FOXN3: variants seen among roughly 807,000 people sequenced by gnomAD.
FOXN3 encodes the protein forkhead box protein N3.
FOXN3 carries 7 observed loss-of-function variants against 38.4 expected under a neutral mutation model. That is an observed-to-expected ratio of 0.18 (90% CI 0.10 to 0.34). The LOEUF (loss-of-function observed/expected upper bound fraction) is 0.34. Ranked by LOEUF, FOXN3 falls within the 10% of genes least tolerant of loss-of-function variation. The pLI, the probability that FOXN3 is intolerant of heterozygous loss-of-function variation, is 1.00. For synonymous variants in FOXN3, 230 were observed against 242.2 expected, an observed-to-expected ratio of 0.95 and a Z score of 0.47; for missense variants, 456 against 613.4, an observed-to-expected ratio of 0.74 and a Z score of 2.71.
chr14:89,522,341 A>G (rs1894337557), intron 1 of FOXN3, among the ~76,000 whole-genome samples: 2 of 152,238 alleles, frequency 1.3e-5, no homozygotes, highest in Non-Finnish European at 2.9e-5. Flanking sequence ...CATCATCAGC[A>G]GACCTGCACT....
chr14:89,252,836 A>C (rs1885500309), intron 4 of FOXN3, among the ~76,000 whole-genome samples: 1 of 152,212 alleles, frequency 6.6e-6, no homozygotes, highest in Non-Finnish European at 1.5e-5. Flanking sequence ...CAACAGATAC[A>C]GTGTGAAATA....
intron 4 of FOXN3, among the ~76,000 whole-genome samples, chr14:89,195,329 T>A (rs1420172700): frequency 6.6e-6 from 1 of 152,144 alleles, no homozygotes; most frequent in Non-Finnish European, 1.5e-5. Context: ...CTACCTTAGG[T>A]GATGTGCTAC....
intron 1 of FOXN3, among the ~76,000 whole-genome samples, chr14:89,564,610 A>G (rs1263727334): frequency 6.6e-6 from 1 of 152,158 alleles, no homozygotes; most frequent in Admixed American, 6.5e-5. Context: ...AAAACCCTCT[A>G]TGGAAAAACC....
chr14:89,331,812 AT>A (rs1392045583), intron 3 of FOXN3, among the ~76,000 whole-genome samples: 2 of 152,230 alleles, frequency 1.3e-5, no homozygotes, highest in Admixed American at 6.5e-5. Flanking sequence ...CTACTGTATT[AT>A]TTTTTGTAAA....
At chr14:89,292,447 G>A (rs1186828146) in intron 3 of FOXN3, among the ~76,000 whole-genome samples, 1 of 152,154 alleles carries the variant, frequency 6.6e-6, no homozygotes, top group Non-Finnish European at 1.5e-5. Context: ...GCTATGGTTT[G>A]CATGTGTCCC....
intron 5 of FOXN3, among the ~76,000 whole-genome samples, chr14:89,170,535 CA>C (rs1203429483): frequency 6.6e-6 from 1 of 152,170 alleles, no homozygotes; most frequent in Non-Finnish European, 1.5e-5. Flanking sequence ...CTCAGCCTCC[CA>C]AAGTGCTGGG....
intron 1 of FOXN3, among the ~76,000 whole-genome samples, chr14:89,451,801 A>G (rs1265416011): frequency 1.3e-5 from 2 of 152,266 alleles, no homozygotes; most frequent in East Asian, 3.9e-4. Context: ...TCCATTTTAA[A>G]AGCTTTTAGA....
At chr14:89,569,136 T>G (rs940760025) in intron 1 of FOXN3, among the ~76,000 whole-genome samples, 1 of 151,558 alleles carries the variant, frequency 6.6e-6, no homozygotes, top group African/African-American at 2.4e-5. Context: ...ACCTGGGAGG[T>G]GGAGCTTGCA....
In FOXN3 at chr14:89,163,759, G is replaced by C. The variant is rs997388010; in HGVS notation, c.852-790C>G. Among the ~76,000 whole-genome samples the C allele has an allele frequency of 1.3e-5, 2 of 152,184 alleles. No homozygotes were observed. Among genetic ancestry groups the C allele is most frequent in the African/African-American group, 2.4e-5 (1 of 41,438 alleles). ...GATATTAGCATCCTTATTTTACAGT[G>C]GCTCGAAGTGAAGCCTGGAGAAGTT... On this transcript the variant is annotated intron_variant, in intron 5 of 5. Coordinates refer to ENST00000557258, the MANE Select transcript of FOXN3 (RefSeq NM_005197.4). This position sits in a 1 kb window ranked among gnomAD's most constrained non-coding sequence, Gnocchi z 4.3.
intron 1 of FOXN3, among the ~76,000 whole-genome samples, chr14:89,492,107 G>A (rs1331515790): frequency 6.6e-6 from 1 of 152,222 alleles, no homozygotes; most frequent in Non-Finnish European, 1.5e-5. Flanking sequence ...GTAGTTCACT[G>A]AAACTTTTTT....
intron 1 of FOXN3, among the ~76,000 whole-genome samples, chr14:89,472,536 T>C (rs371727867): frequency 1.1e-3 from 168 of 152,054 alleles, no homozygotes; most frequent in African/African-American, 3.3e-3. Flanking sequence ...TTGGCTAACA[T>C]GGTGAAACCC....
intron 1 of FOXN3, among the ~76,000 whole-genome samples, chr14:89,463,785 T>TCC (rs199508283): frequency 3.5e-5 from 1 of 28,426 alleles, no homozygotes; most frequent in African/African-American, 6.3e-5. Flanking sequence ...TCTCTCTCTC[T>TCC]TTTTTTTTTT....
chr14:89,253,198 A>G (rs919543791), intron 4 of FOXN3, among the ~76,000 whole-genome samples: 5 of 152,196 alleles, frequency 3.3e-5, no homozygotes, highest in South Asian at 2.1e-4. Flanking sequence ...GGAGGGGACC[A>G]AAAATGGAGG....
At chr14:89,294,885 A>G (rs892302536) in intron 3 of FOXN3, among the ~76,000 whole-genome samples, 2 of 152,156 alleles carry the variant, frequency 1.3e-5, no homozygotes, top group Non-Finnish European at 2.9e-5. Context: ...CCTTTACTTT[A>G]TTAATCAAGT....
At chr14:89,613,144 C>T in intron 1 of FOXN3, among the ~76,000 whole-genome samples, 2 of 137,890 alleles carry the variant, frequency 1.5e-5, no homozygotes, top group South Asian at 2.4e-4. Flanking sequence ...AAAAAAAACT[C>T]TTACATTATC....
intron 2 of FOXN3, among the ~76,000 whole-genome samples, chr14:89,357,424 TG>T (rs1010330913): frequency 2.2e-4 from 33 of 152,082 alleles, no homozygotes; most frequent in Admixed American, 1.9e-3. Flanking sequence ...CTGGCCAACA[TG>T]GTGAGACACC....
At chr14:89,494,625 T>C (rs1893642564) in intron 1 of FOXN3, among the ~76,000 whole-genome samples, 1 of 152,234 alleles carries the variant, frequency 6.6e-6, no homozygotes, top group African/African-American at 2.4e-5. Flanking sequence ...AGAAGAAAGA[T>C]GCTATCAGAA....
intron 3 of FOXN3, among the ~76,000 whole-genome samples, chr14:89,316,815 T>C (rs1887732906): frequency 6.6e-6 from 1 of 152,018 alleles, no homozygotes; most frequent in African/African-American, 2.4e-5. Flanking sequence ...CAGGGGCCTA[T>C]CACCACGCCT....
At chr14:89,309,814 G>A (rs565939781) in intron 3 of FOXN3, among the ~76,000 whole-genome samples, 1 of 152,300 alleles carries the variant, frequency 6.6e-6, no homozygotes, top group South Asian at 2.1e-4. Context: ...ATTAAGCTCT[G>A]CCAAGAGTGA....
Sources: allele counts gnomAD v4.1 joint callset (sites outside exome capture counted in the v4.1 genomes callset), GRCh38; gene constraint gnomAD v4.1.1; non-coding constraint Gnocchi (gnomAD v3.1); transcripts MANE v1.5; gene names NCBI Gene and HGNC (gene_info 2026-07-23, HGNC 2026-07-21).